COL11A1: variants seen among roughly 807,000 people sequenced by gnomAD.
The protein encoded by COL11A1 is collagen alpha-1(XI) chain.
A neutral mutation model predicts 265.2 loss-of-function variants in COL11A1; 74 were observed. That is an observed-to-expected ratio of 0.28 (90% CI 0.23 to 0.34). The LOEUF is 0.34. Among genes scored for constraint, COL11A1 ranks in the 10% least tolerant of loss-of-function variants. The probability of loss-of-function intolerance (pLI) is 1.00; values close to 1 mark genes in which losing one functional copy is unlikely to be tolerated. For synonymous variants in COL11A1, 816 were observed against 727.6 expected, an observed-to-expected ratio of 1.12 and a Z score of -1.96; for missense variants, 2,165 against 2,263.6, an observed-to-expected ratio of 0.96 and a Z score of 0.88.
At chr1:103,051,345 C>G (rs1669810275) in intron 4 of COL11A1, among the ~76,000 whole-genome samples, 1 of 152,176 alleles carries the variant, frequency 6.6e-6, no homozygotes, top group Non-Finnish European at 1.5e-5. Context: ...GCAGTTTGAT[C>G]TCAGACTGCT....
intron 14 of COL11A1, among the ~76,000 whole-genome samples, 163 bp from the exon 15 acceptor site, chr1:103,008,679 G>T (rs1160446500): frequency 6.6e-6 from 1 of 152,112 alleles, no homozygotes; most frequent in Non-Finnish European, 1.5e-5. Context: ...CACTTGCATT[G>T]AAATATATCT....
chr1:102,945,605 C>G (rs1050200793), intron 42 of COL11A1, among the ~76,000 whole-genome samples: 2 of 151,992 alleles, frequency 1.3e-5, no homozygotes, highest in Admixed American at 1.3e-4. Context: ...TCAATACTTA[C>G]CAGTATACAA....
At chr1:103,061,670 A>C (rs921599430) in intron 4 of COL11A1, among the ~76,000 whole-genome samples, 1 of 152,034 alleles carries the variant, frequency 6.6e-6, no homozygotes, top group Non-Finnish European at 1.5e-5. Context: ...AATATTATAA[A>C]CAAAATAAAA....
intron 26 of COL11A1, among the ~76,000 whole-genome samples, 177 bp from the exon 27 acceptor site, chr1:102,996,219 A>G (rs922371704): frequency 6.6e-6 from 1 of 152,168 alleles, no homozygotes; most frequent in Admixed American, 6.6e-5. Context: ...TGAGAAAAAC[A>G]TGTAACTAGC....
chr1:103,042,788 CCTGCTCAAACTT>C (rs149934961), intron 4 of COL11A1, among the ~76,000 whole-genome samples: 2,520 of 151,834 alleles, frequency 0.017, 80 homozygotes, highest in African/African-American at 0.058. Context: ...TCCCAGCCTC[CCTGCTCAAACTT>C]CTGAAACTAC....
chr1:102,996,045 G>A lies in COL11A1; in HGVS notation c.2242-3C>T, dbSNP rs1393126159. On this transcript the variant is annotated splice_polypyrimidine_tract_variant and splice_region_variant and intron_variant, in intron 26 of 66. Coordinates refer to ENST00000370096, the MANE Select transcript of COL11A1 (RefSeq NM_001854.4). ...GGACCTTGTGGACCAGGGGGACCCT[G>A]AAATAGATGAATTACCACTTATACG... 1.2e-6 allele frequency: 2 copies of A among 1,613,070 alleles called. No individual in the cohort carries two copies. Among genetic ancestry groups the A allele is most frequent in the Non-Finnish European group, 1.7e-6 (2 of 1,179,342 alleles).
In COL11A1 at chr1:103,088,183, G is replaced by A. The variant is rs868357431; in HGVS notation, c.107-5211C>T. On this transcript the variant is annotated intron_variant, in intron 1 of 66. Coordinates refer to ENST00000370096, the MANE Select transcript of COL11A1 (RefSeq NM_001854.4). ...TCTAAGCTTCTTTGCACACTCCCAT[G>A]ACCAGTAGTGAACCGCATCATTACA... Among the ~76,000 whole-genome samples, 34 of 152,214 alleles carry A rather than the reference G, an allele frequency of 2.2e-4. 1 individual carries two copies. In the Middle Eastern group the frequency reaches 0.017, roughly 76 times the overall value.
chr1:102,970,388 T>A, intron 36 of COL11A1, 116 bp from the exon 37 acceptor site: 1 of 731,004 alleles, frequency 1.4e-6, no homozygotes, highest in East Asian at 2.8e-5. Context: ...CTATTTTACT[T>A]TGCTCTTCTG....
At position 103,004,638 on chromosome 1, in the gene COL11A1, A is replaced by C. The variant is rs1314273794; in HGVS notation, c.1869T>G (p.Pro623=). The C allele has an allele frequency of 6.2e-7, 1 of 1,610,782 alleles. No homozygotes were observed. Among genetic ancestry groups the C allele is most frequent in the Admixed American group, 1.7e-5 (1 of 59,986 alleles). Residue 623 remains proline (P), a synonymous_variant, in exon 19 of 67, where the codon CCT becomes CCG. Transcript: ENST00000370096. ...GHRGERGPQG[P]PGPPGDDGMR... The stretch of plus-strand genomic sequence containing the variant: ...TTCCATCATCACCAGGAGGACCTGG[A>C]GGACCTTGAGGACCTCGTTCACCCT...
intron 46 of COL11A1, among the ~76,000 whole-genome samples, chr1:102,923,635 T>C (rs1656244069): frequency 6.6e-6 from 1 of 152,132 alleles, no homozygotes; most frequent in Admixed American, 6.5e-5. Flanking sequence ...TTAGTTATAA[T>C]AACTAAATAT....
intron 24 of COL11A1, among the ~76,000 whole-genome samples, chr1:103,000,054 C>T (rs1467422894): frequency 6.6e-6 from 1 of 151,744 alleles, no homozygotes; most frequent in Non-Finnish European, 1.5e-5. Flanking sequence ...ATGCAGTAAA[C>T]TAGATTATAC....
At chr1:102,928,212 C>A (rs951334127) in intron 46 of COL11A1, among the ~76,000 whole-genome samples, 12 of 152,032 alleles carry the variant, frequency 7.9e-5, no homozygotes, top group African/African-American at 2.9e-4. Context: ...AACTCGTCAT[C>A]TAGCATTAGG....
At position 103,002,059 on chromosome 1, in the gene COL11A1, C is replaced by T. The variant is rs2929162; in HGVS notation, c.2098-90G>A. On this transcript the variant is annotated intron_variant, in intron 23 of 66. Transcript: ENST00000370096. ...CAAATTATTAGCTCACTATAGTACA[C>T]AGTGAGTTATAAGAATCTGTATATA... The T allele has an allele frequency of 0.96, 1,004,262 of 1,049,966 alleles. 481,325 individuals carry two copies. Among genetic ancestry groups the T allele is most frequent in the East Asian group, 1 (41,525 of 41,526 alleles). The allele number at this position is 1,049,966 out of a possible 1,614,324, so 65.0% of individuals were successfully genotyped here.
At chr1:102,930,406 G>A (rs1015886758) in intron 46 of COL11A1, among the ~76,000 whole-genome samples, 1,518 of 151,678 alleles carry the variant, frequency 0.01, 30 homozygotes, top group African/African-American at 0.035. Context: ...ATTGATTTGC[G>A]TATATTGAAC....
At chr1:102,887,576 T>G (rs573250641) in intron 62 of COL11A1, among the ~76,000 whole-genome samples, 23 of 152,274 alleles carry the variant, frequency 1.5e-4, no homozygotes, top group Middle Eastern at 3.4e-3. Context: ...TTAAAATCAA[T>G]GCAACCCGAC....
chr1:102,886,851 C>A lies in COL11A1; in HGVS notation c.4814G>T (p.Arg1605Leu), dbSNP rs371100196. ...FPMGTQTNPA[R>L]TCKDLQLSHP... The stretch of plus-strand genomic sequence containing the variant: ...GCTGAGTTGCAGGTCTTTACAAGTT[C>A]GGGCTGGATTGGTCTGAGTACCCAT... Residue 1605 changes from arginine to leucine, a missense_variant, in exon 63 of 67, where the codon CGA becomes CTA. Transcript: ENST00000370096. The A allele has an allele frequency of 3.1e-6, 5 of 1,613,726 alleles. No homozygotes were observed. In the African/African-American group the frequency reaches 5.3e-5, roughly 17 times the overall value.
In COL11A1 at chr1:102,997,077, T is replaced by C. The variant is rs759793105; in HGVS notation, c.2241+3A>G. On this transcript the variant is annotated splice_donor_region_variant and intron_variant, in intron 26 of 66. Coordinates refer to ENST00000370096, the MANE Select transcript of COL11A1 (RefSeq NM_001854.4). The stretch of plus-strand genomic sequence containing the variant: ...ACATTTAAATGGATACTTTGGAACC[T>C]ACCAGAGCCCCCTTTTCTCCAGACT... 1.1e-5 allele frequency: 17 copies of C among 1,611,674 alleles called. No homozygotes were observed. In the East Asian group the frequency reaches 3.1e-4, roughly 30 times the overall value.
At chr1:103,062,409 C>G (rs77300930) in intron 4 of COL11A1, among the ~76,000 whole-genome samples, 4,640 of 151,908 alleles carry the variant, frequency 0.031, 269 homozygotes, top group African/African-American at 0.11. Context: ...CTCTCATGAA[C>G]ATAAATGCAA....
chr1:102,898,378 A>G (rs550242127), intron 56 of COL11A1, among the ~76,000 whole-genome samples, 200 bp from the exon 57 acceptor site: 1 of 151,898 alleles, frequency 6.6e-6, no homozygotes, highest in South Asian at 2.1e-4. Flanking sequence ...ATACACACCT[A>G]TATATACATA....
Sources: gnomAD v4.1 joint callset for allele counts (sites outside exome capture counted in the v4.1 genomes callset) on GRCh38, gnomAD v4.1.1 for gene constraint, MANE v1.5 for transcripts, NCBI Gene and HGNC (gene_info 2026-07-23, HGNC 2026-07-21) for gene names.